The following MSH4 variants were observed in gnomAD, a reference collection of about 807,000 sequenced individuals.
MSH4 encodes the protein mutS homolog 4.
MSH4 carries 106 observed loss-of-function variants against 113.7 expected under a neutral mutation model. The ratio of observed to expected loss-of-function variants is 0.93; its 90% CI spans 0.80 to 1.10. The LOEUF (loss-of-function observed/expected upper bound fraction) is 1.10, where lower values mean the gene tolerates loss of function less well. Ranked by LOEUF, MSH4 falls within the 50% of genes least tolerant of loss-of-function variation. The pLI is 0.00. For synonymous variants in MSH4, 368 were observed against 380.2 expected, an observed-to-expected ratio of 0.97 and a Z score of 0.37; for missense variants, 1,061 against 1,093.7, an observed-to-expected ratio of 0.97 and a Z score of 0.42.
chr1:75,841,312 T>C (rs970645683), intron 7 of MSH4, among the ~76,000 whole-genome samples: 4 of 152,048 alleles, frequency 2.6e-5, no homozygotes, highest in African/African-American at 9.7e-5. Context: ...ATCCTTTTGC[T>C]GCAGCCTCTT....
At chr1:75,845,772 G>A (rs949794702) in intron 7 of MSH4, among the ~76,000 whole-genome samples, 4 of 152,106 alleles carry the variant, frequency 2.6e-5, no homozygotes, top group African/African-American at 4.8e-5. Context: ...TTGCCCTAGT[G>A]GGGACTCTGT....
chr1:75,881,450 A>G (rs1651931116), intron 14 of MSH4, 80 bp downstream of exon 14: 3 of 1,453,422 alleles, frequency 2.1e-6, no homozygotes, highest in Admixed American at 4.0e-5. Context: ...AATAGTTATG[A>G]CATTTAAAAT....
intron 13 of MSH4, 89 bp from the exon 14 acceptor site, chr1:75,881,157 C>A: frequency 2.0e-6 from 2 of 989,490 alleles, no homozygotes; most frequent in Non-Finnish European, 3.0e-6. Flanking sequence ...TATTTTACTT[C>A]AGGCAATGAA....
chr1:75,899,579 TA>T (rs1381517545), intron 18 of MSH4, 38 bp from the exon 19 acceptor site: 14 of 1,215,916 alleles, frequency 1.2e-5, no homozygotes, highest in Non-Finnish European at 1.5e-5. Flanking sequence ...ATGCCAGCAG[TA>T]ACAATATTGA....
chr1:75,814,646 A>G (rs1465513046), intron 4 of MSH4, among the ~76,000 whole-genome samples: 1 of 152,178 alleles, frequency 6.6e-6, no homozygotes, highest in Non-Finnish European at 1.5e-5. Flanking sequence ...GGTTATTTCT[A>G]TACAAAAGAT....
At chr1:75,826,117 TATTA>T (rs1271875819) in intron 7 of MSH4, among the ~76,000 whole-genome samples, 2 of 152,182 alleles carry the variant, frequency 1.3e-5, no homozygotes, top group Non-Finnish European at 2.9e-5. Flanking sequence ...GTTGGTGGGC[TATTA>T]ATTACTCCCT....
In MSH4 at chr1:75,897,954, T is replaced by C. The variant is rs1463990127; in HGVS notation, c.2403T>C (p.Asp801=). The C allele has an allele frequency of 4.4e-6, 7 of 1,599,024 alleles. No homozygotes were observed. Among genetic ancestry groups the C allele is most frequent in the Non-Finnish European group, 6.0e-6 (7 of 1,172,806 alleles). ...ATTTCCTGGAACTATGCCATATTGA[T>C]GCCCTGTATCCTAATGTAGAAAACA... is the stretch of plus-strand genomic sequence containing the variant. ...ATHFLELCHI[D]ALYPNVENMH... is the part of the protein sequence containing the mutation. Residue 801 remains aspartate (D), a synonymous_variant, in exon 18 of 20, where the codon GAT becomes GAC. Transcript: ENST00000263187.
intron 1 of MSH4, among the ~76,000 whole-genome samples, chr1:75,799,796 G>C (rs1243493306): frequency 1.3e-5 from 2 of 152,198 alleles, no homozygotes; most frequent in East Asian, 3.9e-4. Context: ...TGACTGGATA[G>C]ATGGTAGTAG....
chr1:75,804,940 G>A (rs1650024951), intron 2 of MSH4, among the ~76,000 whole-genome samples: 1 of 151,828 alleles, frequency 6.6e-6, no homozygotes, highest in Non-Finnish European at 1.5e-5. Flanking sequence ...CAATTTTCCT[G>A]CCTCAGCCTC....
At chr1:75,860,277 T>G (rs1326196927) in intron 8 of MSH4, among the ~76,000 whole-genome samples, 1 of 152,192 alleles carries the variant, frequency 6.6e-6, no homozygotes, top group Non-Finnish European at 1.5e-5. Flanking sequence ...AGGTTAATAT[T>G]GTTATATCTG....
chr1:75,798,738 T>C lies in MSH4; in HGVS notation c.244+1509T>C, dbSNP rs545718528. Among the ~76,000 whole-genome samples, 36 of 151,898 alleles carry C rather than the reference T, an allele frequency of 2.4e-4. No individual in the cohort carries two copies. The East Asian group carries it at 3.7e-3, about 16-fold the overall frequency. ...AGATGGCTAATTTAAAAAATTTTTT[T>C]GTAGAGACAGTGTTTTCCTACGTTG... is the stretch of plus-strand genomic sequence containing the variant. On this transcript the variant is annotated intron_variant, in intron 1 of 19. Transcript: ENST00000263187.
intron 8 of MSH4, among the ~76,000 whole-genome samples, chr1:75,863,402 G>T (rs1043991353): frequency 2.6e-5 from 4 of 151,988 alleles, no homozygotes; most frequent in African/African-American, 9.7e-5. Context: ...GGCACAAGAC[G>T]CTTGGGTCAA....
intron 6 of MSH4, among the ~76,000 whole-genome samples, 196 bp downstream of exon 6, chr1:75,816,742 T>C (rs895635653): frequency 1.3e-5 from 2 of 152,190 alleles, no homozygotes; most frequent in African/African-American, 2.4e-5. Context: ...TTCTTCTGTC[T>C]CAGCCTCCCA....
chr1:75,800,542 C>CT (rs1389518049), intron 1 of MSH4, among the ~76,000 whole-genome samples: 1 of 151,888 alleles, frequency 6.6e-6, no homozygotes, highest in African/African-American at 2.4e-5. Flanking sequence ...AAGATACAGG[C>CT]TTAAAATGGG....
At chr1:75,855,063 AG>A (rs1651285775) in intron 8 of MSH4, among the ~76,000 whole-genome samples, 2 of 151,712 alleles carry the variant, frequency 1.3e-5, no homozygotes, top group African/African-American at 4.8e-5. Flanking sequence ...TTTGAGACAG[AG>A]TCTCACTCTG....
chr1:75,890,242 T>A (rs1652219269), intron 16 of MSH4, among the ~76,000 whole-genome samples: 1 of 152,054 alleles, frequency 6.6e-6, no homozygotes, highest in Non-Finnish European at 1.5e-5. Flanking sequence ...GAATCAAGAC[T>A]TAGGTATTTT....
At chr1:75,909,658 C>G (rs553103653) in intron 19 of MSH4, among the ~76,000 whole-genome samples, 1 of 151,364 alleles carries the variant, frequency 6.6e-6, no homozygotes, top group Admixed American at 6.6e-5. Context: ...ACCCCCTCCC[C>G]CCGCTGACAG....
intron 8 of MSH4, among the ~76,000 whole-genome samples, chr1:75,853,491 A>T (rs746986206): frequency 2.0e-5 from 3 of 152,108 alleles, no homozygotes; most frequent in Non-Finnish European, 4.4e-5. Context: ...TTATGATGAT[A>T]AGTTTGTATA....
intron 8 of MSH4, among the ~76,000 whole-genome samples, chr1:75,853,696 A>T (rs571782581): frequency 6.6e-4 from 100 of 152,184 alleles, no homozygotes; most frequent in Admixed American, 9.8e-4. Context: ...ATAGTCTATT[A>T]CTGTCAATAT....
Sources: gnomAD v4.1 joint callset for allele counts (sites outside exome capture counted in the v4.1 genomes callset) on GRCh38, gnomAD v4.1.1 for gene constraint, MANE v1.5 for transcripts, NCBI Gene and HGNC (gene_info 2026-07-23, HGNC 2026-07-21) for gene names.